MED26: variants seen among roughly 807,000 people sequenced by gnomAD.
The protein encoded by MED26 is mediator complex subunit 26.
Under a neutral mutation model 43.7 loss-of-function variants are expected in MED26, and 7 were observed. The ratio of observed to expected loss-of-function variants is 0.16; its 90% confidence interval spans 0.09 to 0.30. The LOEUF (loss-of-function observed/expected upper bound fraction) is 0.30. Among genes scored for constraint, MED26 ranks in the 10% least tolerant of loss-of-function variants. The pLI is 1.00. For synonymous variants in MED26, 375 were observed against 371.1 expected (o/e 1.01, Z -0.12); for missense variants, 784 against 840.6 (o/e 0.93, Z 0.83).
chr19:16,575,806 T>C lies in MED26; in HGVS notation c.*221A>G, dbSNP rs369450427. ...CGTCCTTCCTTCCACGCGGTCCTTC[T>C]TCGCAATTTTGTTAGTAAACTGGTA... On this transcript the variant is annotated 3_prime_UTR_variant, in exon 3 of 3. Transcript: ENST00000263390. 3.9e-5 allele frequency: 22 copies of C among 571,104 alleles called. No homozygotes were observed. The East Asian group carries it at 5.4e-4, about 14-fold the overall frequency. 35.4% of individuals were successfully genotyped at this position (571,104 alleles called of 1,614,324 possible). A position where few individuals can be genotyped will look rare whatever the true frequency, so the allele number is the denominator to read the frequency against.
chr19:16,581,988 T>C (rs1263229238), intron 1 of MED26, among the ~76,000 whole-genome samples: 2 of 152,232 alleles, frequency 1.3e-5, no homozygotes, highest in African/African-American at 4.8e-5. Flanking sequence ...ACAGATGAAC[T>C]CTGCCAACAC....
intron 1 of MED26, among the ~76,000 whole-genome samples, chr19:16,616,815 G>C (rs988694416): frequency 2.6e-5 from 4 of 152,034 alleles, no homozygotes; most frequent in African/African-American, 9.7e-5. Flanking sequence ...GTTGTGTAGA[G>C]AAAAAAGAGA....
intron 1 of MED26, chr19:16,610,621 A>G (rs937284101): frequency 1.3e-5 from 2 of 151,766 alleles, no homozygotes; most frequent in African/African-American, 4.8e-5. Context: ...AAACTCCCGA[A>G]CTCAGGTGAT....
Position 16,587,497 on chromosome 19 carries a change from G to A in MED26, c.73-9088C>T, listed in dbSNP as rs2086076635. ...GCCCAGTGAAGGCACCTTCCTCTGA[G>A]GGGACCTCATGGGAGCCTCAAACCC... On this transcript the variant is annotated intron_variant, in intron 1 of 2. Transcript: ENST00000263390. This position sits in a 1 kb window ranked among gnomAD's most constrained non-coding sequence, Gnocchi z 4.9. 1 of 152,282 alleles carries A rather than the reference G, an allele frequency of 6.6e-6. No homozygotes were observed. The highest frequency in any genetic ancestry group is 1.5e-5 in the Non-Finnish European group (1 of 68,098). 9.4% of individuals were successfully genotyped at this position (152,282 alleles called of 1,614,324 possible).
At chr19:16,609,827 T>C (rs56792353) in intron 1 of MED26, among the ~76,000 whole-genome samples, 2,029 of 151,744 alleles carry the variant, frequency 0.013, 50 homozygotes, top group African/African-American at 0.047. Context: ...TTTATCACCT[T>C]CTTGTGCAAA....
In MED26 at chr19:16,577,099, T is replaced by A; in HGVS notation, c.731A>T (p.Gln244Leu). Residue 244 changes from glutamine (Q) to leucine (L), a missense_variant, in exon 3 of 3, where the codon CAG becomes CTG. Coordinates refer to ENST00000263390, the MANE Select transcript of MED26 (RefSeq NM_004831.5). The surrounding 1 kb of genome is among the most constrained non-coding windows in gnomAD (Gnocchi z 8.1). ...GLGKPPGPCL[Q>L]PKASVLQQLD... ...CTGCTGCAGCACCGAAGCCTTTGGC[T>A]GCAAGCAGGGTCCAGGGGGCTTGCC... The A allele has an allele frequency of 6.2e-7, 1 of 1,610,154 alleles. No homozygotes were observed. The highest frequency in any genetic ancestry group is 1.3e-5 in the African/African-American group (1 of 74,952).
chr19:16,601,973 G>A (rs2086151775), intron 1 of MED26, among the ~76,000 whole-genome samples: 1 of 152,186 alleles, frequency 6.6e-6, no homozygotes, highest in African/African-American at 2.4e-5. Context: ...GGGAAGCAGC[G>A]GGGCTGAGAG....
intron 1 of MED26, among the ~76,000 whole-genome samples, chr19:16,582,326 G>A (rs1356455516): frequency 6.6e-6 from 1 of 152,034 alleles, no homozygotes; most frequent in Non-Finnish European, 1.5e-5. Context: ...AGGCCCAGGA[G>A]GCAGACACTG....
chr19:16,602,869 C>T (rs1297514325), intron 1 of MED26, among the ~76,000 whole-genome samples: 4 of 152,088 alleles, frequency 2.6e-5, no homozygotes, highest in Admixed American at 6.5e-5. Context: ...GAACAGAGCT[C>T]GGTTTTGCAA....
At chr19:16,594,684 A>T (rs1003540231) in intron 1 of MED26, among the ~76,000 whole-genome samples, 1 of 152,174 alleles carries the variant, frequency 6.6e-6, no homozygotes, top group African/African-American at 2.4e-5. Context: ...TCATTTGCTA[A>T]CAGCACCTCT....
At position 16,586,971 on chromosome 19, in the gene MED26, C is replaced by T. The variant is rs2086073933; in HGVS notation, c.73-8562G>A. ...ACAGTAATTTACAAAAACTACTTAG[C>T]TCAAAAGACTGTGGAAGTGTTCATC... On this transcript the variant is annotated intron_variant, in intron 1 of 2. Transcript: ENST00000263390. This position sits in a 1 kb window ranked among gnomAD's most constrained non-coding sequence, Gnocchi z 5.1. The T allele has an allele frequency of 1.3e-5, 2 of 151,224 alleles. No individual in the cohort carries two copies. The highest frequency in any genetic ancestry group is 1.9e-4 in the East Asian group (1 of 5,164). 9.4% of individuals were successfully genotyped at this position (151,224 alleles called of 1,614,324 possible). A position where few individuals can be genotyped will look rare whatever the true frequency, so the allele number is the denominator to read the frequency against.
chr19:16,626,259 G>A (rs895041601), intron 1 of MED26, among the ~76,000 whole-genome samples: 1 of 152,070 alleles, frequency 6.6e-6, no homozygotes, highest in Non-Finnish European at 1.5e-5. Context: ...GCGAGTGCGT[G>A]AAATTAAAAA....
chr19:16,575,918 C>T lies in MED26; in HGVS notation c.*109G>A, dbSNP rs1324434209. 2 of 1,011,108 alleles carry T rather than the reference C, an allele frequency of 2.0e-6. No homozygotes were observed. Among genetic ancestry groups the T allele is most frequent in the African/African-American group, 1.6e-5 (1 of 61,834 alleles). The allele number at this position is 1,011,108 out of a possible 1,614,324, so 62.6% of individuals were successfully genotyped here. On this transcript the variant is annotated 3_prime_UTR_variant, in exon 3 of 3. Coordinates refer to ENST00000263390, the MANE Select transcript of MED26 (RefSeq NM_004831.5). ...CCTCCCTCCCGCCTGGGCCGGACTC[C>T]CCGAGTTCCCAGCGCAGGAGGCAGC... is the stretch of plus-strand genomic sequence containing the variant.
At chr19:16,578,612 T>A (rs2086026625) in intron 1 of MED26, 1 of 580,974 alleles carries the variant, frequency 1.7e-6, no homozygotes, top group Non-Finnish European at 3.1e-6. Flanking sequence ...CCGTCTGACC[T>A]CCTCCAGTGT....
Position 16,577,181 on chromosome 19 carries a change from G to A in MED26, c.649C>T (p.His217Tyr). Residue 217 changes from histidine to tyrosine, a missense_variant, in exon 3 of 3, where the codon CAC (histidine) becomes TAC (tyrosine). Transcript: ENST00000263390. This position sits in a 1 kb window ranked among gnomAD's most constrained non-coding sequence, Gnocchi z 8.1. ...SRLERDENDK[H>Y]SGKIPVNAVR... Reference sequence around the variant, plus strand: ...GCGTTGACGGGGATCTTGCCACTGTGCTTGTCATTCTCGTCACGCTCCAGG... The same window carrying A: ...GCGTTGACGGGGATCTTGCCACTGTACTTGTCATTCTCGTCACGCTCCAGG... The A allele has an allele frequency of 6.2e-7, 1 of 1,613,376 alleles. No homozygotes were observed. Among genetic ancestry groups the A allele is most frequent in the East Asian group, 2.2e-5 (1 of 44,872 alleles).
At chr19:16,602,065 C>G (rs1233338303) in intron 1 of MED26, among the ~76,000 whole-genome samples, 1 of 152,202 alleles carries the variant, frequency 6.6e-6, no homozygotes, top group Non-Finnish European at 1.5e-5. Context: ...GGCGGGATAC[C>G]TGTAGCCAGA....
intron 1 of MED26, among the ~76,000 whole-genome samples, chr19:16,582,208 T>TG (rs2086049197): frequency 6.6e-6 from 1 of 152,186 alleles, no homozygotes; most frequent in Non-Finnish European, 1.5e-5. Context: ...GAGCTAAGGA[T>TG]GGGGGCAAGG....
chr19:16,595,048 T>C (rs1230358790), intron 1 of MED26, among the ~76,000 whole-genome samples: 2 of 152,130 alleles, frequency 1.3e-5, no homozygotes, highest in African/African-American at 4.8e-5. Context: ...TTCCTCCACT[T>C]GGGGCTCCTC....
rs1895718514 is a variant in MED26 at position 16,582,288 on chromosome 19, C to T, written c.73-3879G>A. On this transcript the variant is annotated intron_variant, in intron 1 of 2. Coordinates refer to ENST00000263390, the MANE Select transcript of MED26 (RefSeq NM_004831.5). ...AGTCTGAACACTGTGTGGGGAGCAC[C>T]ACCTGGGCATCCAGACACAGGCCTC... Among the ~76,000 whole-genome samples the T allele has an allele frequency of 4.0e-5, 6 of 150,582 alleles. No individual in the cohort carries two copies. The South Asian group carries it at 1.0e-3, about 26-fold the overall frequency.
Sources: gnomAD v4.1 joint callset for allele counts (sites outside exome capture counted in the v4.1 genomes callset) on GRCh38, gnomAD v4.1.1 for gene constraint, Gnocchi (gnomAD v3.1) non-coding constraint, MANE v1.5 for transcripts, NCBI Gene and HGNC (gene_info 2026-07-23, HGNC 2026-07-21) for gene names.